The following KIAA1217 variants were observed in gnomAD, a reference collection of about 807,000 sequenced individuals.
KIAA1217 encodes sickle tail protein homolog.
Under a neutral mutation model 163.9 loss-of-function variants are expected in KIAA1217, and 88 were observed. That is an observed-to-expected ratio of 0.54 (90% CI 0.45 to 0.64). The LOEUF (loss-of-function observed/expected upper bound fraction) is 0.64. KIAA1217 is among the 30% of genes least tolerant of loss of function. The pLI, the probability that KIAA1217 is intolerant of heterozygous loss-of-function variation, is 0.00. For synonymous variants in KIAA1217, 903 were observed against 923.1 expected, an observed-to-expected ratio of 0.98 and a Z score of 0.39; for missense variants, 2,372 against 2,475.0, an observed-to-expected ratio of 0.96 and a Z score of 0.88.
intron 3 of KIAA1217, among the ~76,000 whole-genome samples, chr10:24,386,970 G>A (rs1169466836): frequency 6.6e-6 from 1 of 152,294 alleles, no homozygotes; most frequent in East Asian, 1.9e-4. Context: ...CTAAGACCTT[G>A]TAGTTATTGA....
At chr10:24,189,992 G>C (rs1443663199) in intron 2 of KIAA1217, among the ~76,000 whole-genome samples, 1 of 150,234 alleles carries the variant, frequency 6.7e-6, no homozygotes, top group Non-Finnish European at 1.5e-5. Flanking sequence ...CTGTGCTCCA[G>C]CCTGGGTGAC....
At chr10:24,035,145 G>T (rs1271068026) in intron 2 of KIAA1217, among the ~76,000 whole-genome samples, 1 of 152,188 alleles carries the variant, frequency 6.6e-6, no homozygotes, top group Admixed American at 6.5e-5. Context: ...GTATCCGTGA[G>T]ATCTTGGGTG....
chr10:24,338,768 GT>G (rs111558574), intron 2 of KIAA1217, among the ~76,000 whole-genome samples: 1 of 151,244 alleles, frequency 6.6e-6, no homozygotes, highest in Non-Finnish European at 1.5e-5. Flanking sequence ...TCCTTTATTT[GT>G]TTTTTTTGTG....
intron 1 of KIAA1217, among the ~76,000 whole-genome samples, chr10:23,863,969 T>C (rs1255989158): frequency 6.6e-6 from 1 of 152,140 alleles, no homozygotes; most frequent in Admixed American, 6.6e-5. Context: ...AAAAATGAAA[T>C]GACAGTAGGA....
intron 1 of KIAA1217, among the ~76,000 whole-genome samples, chr10:23,901,146 G>A (rs1333365758): frequency 6.6e-6 from 1 of 152,004 alleles, no homozygotes; most frequent in Non-Finnish European, 1.5e-5. Context: ...GTTTCCTTAA[G>A]TGAATATTTG....
intron 3 of KIAA1217, among the ~76,000 whole-genome samples, chr10:24,410,879 A>G (rs963688842): frequency 6.6e-6 from 1 of 152,110 alleles, no homozygotes; most frequent in Non-Finnish European, 1.5e-5. Flanking sequence ...TTTCCCCCCA[A>G]AGTACCTAAA....
chr10:23,928,206 G>A (rs1284661452), intron 1 of KIAA1217, among the ~76,000 whole-genome samples: 1 of 152,150 alleles, frequency 6.6e-6, no homozygotes, highest in Non-Finnish European at 1.5e-5. Context: ...GCAGCACAGG[G>A]TCCCCTGAGA....
intron 1 of KIAA1217, among the ~76,000 whole-genome samples, chr10:23,835,987 T>C (rs1838429482): frequency 6.6e-6 from 1 of 152,028 alleles, no homozygotes; most frequent in African/African-American, 2.4e-5. Flanking sequence ...TGTGACTGAG[T>C]TGGATATAGG....
At chr10:24,338,959 A>T in intron 2 of KIAA1217, among the ~76,000 whole-genome samples, 1 of 152,246 alleles carries the variant, frequency 6.6e-6, no homozygotes, top group Non-Finnish European at 1.5e-5. Context: ...TTCGAGTCAA[A>T]GTGACTTACA....
intron 2 of KIAA1217, among the ~76,000 whole-genome samples, chr10:24,096,397 C>T (rs554425906): frequency 6.6e-6 from 1 of 152,194 alleles, no homozygotes; most frequent in Non-Finnish European, 1.5e-5. Context: ...TGCACTCCTC[C>T]TCCTATTTAG....
intron 2 of KIAA1217, among the ~76,000 whole-genome samples, chr10:24,138,970 T>C (rs557239576): frequency 2.6e-5 from 4 of 152,312 alleles, no homozygotes; most frequent in East Asian, 1.9e-4. Flanking sequence ...AAGAAATATA[T>C]GTATGTCCTT....
At chr10:24,157,118 C>T (rs2064912782) in intron 2 of KIAA1217, among the ~76,000 whole-genome samples, 1 of 152,214 alleles carries the variant, frequency 6.6e-6, no homozygotes, top group African/African-American at 2.4e-5. Flanking sequence ...GTCCATTTCA[C>T]ATTCTTAGCG....
At chr10:23,980,732 C>T (rs993578385) in intron 1 of KIAA1217, among the ~76,000 whole-genome samples, 28 of 152,138 alleles carry the variant, frequency 1.8e-4, no homozygotes, top group African/African-American at 5.8e-4. Context: ...ATTCTACAGG[C>T]GAATCAGCTC....
chr10:23,861,969 C>T (rs1839973850), intron 1 of KIAA1217, among the ~76,000 whole-genome samples: 1 of 152,184 alleles, frequency 6.6e-6, no homozygotes, highest in African/African-American at 2.4e-5. Flanking sequence ...TTTGTTATGA[C>T]AGCAATAGAA....
rs1413017260 is a variant in KIAA1217, at chr10:24,389,922, C to T, written c.553+8855C>T. Among the ~76,000 whole-genome samples, 5 of 150,758 alleles carry T rather than the reference C, an allele frequency of 3.3e-5. No homozygotes were observed. The South Asian group carries it at 6.3e-4, about 19-fold the overall frequency. ...CTGGGGCAGGCATCCATCTCTAGTA[C>T]TGAAGTGAAGGTGAGGCCCAACTCT... On this transcript the variant is annotated intron_variant, in intron 3 of 20. Transcript: ENST00000376454.
chr10:23,867,046 G>A lies in KIAA1217; in HGVS notation c.-320-140179G>A, dbSNP rs571203747. 1.3e-3 allele frequency among the ~76,000 whole-genome samples: 177 copies of A among 131,910 alleles called. 1 individual carries two copies. Among genetic ancestry groups the A allele is most frequent in the Non-Finnish European group, 2.3e-3 (149 of 65,672 alleles). 86.5% of individuals were successfully genotyped at this position (131,910 alleles called of 152,430 possible). ...CCCAGAGTGTGATGTTCCCCTTCCT[G>A]TGTCCATGTGTTCTCATTGTTCAAT... On this transcript the variant is annotated intron_variant, in intron 1 of 18. Coordinates refer to the KIAA1217 transcript ENST00000376462.
intron 1 of KIAA1217, among the ~76,000 whole-genome samples, chr10:23,766,766 T>C (rs1321932750): frequency 6.6e-6 from 1 of 152,056 alleles, no homozygotes; most frequent in Non-Finnish European, 1.5e-5. Context: ...TTTTTGTATT[T>C]TTAGCGGAGA....
intron 2 of KIAA1217, among the ~76,000 whole-genome samples, chr10:24,370,841 G>T (rs2051538972): frequency 6.6e-6 from 1 of 152,186 alleles, no homozygotes. Context: ...GCCTCTCAAA[G>T]TGCTGCAATT....
chr10:23,854,004 T>C (rs906766780), intron 1 of KIAA1217, among the ~76,000 whole-genome samples: 36 of 152,190 alleles, frequency 2.4e-4, no homozygotes, highest in Non-Finnish European at 4.6e-4. Flanking sequence ...TTTTTGTGTC[T>C]CTATTTCCTT....
Sources: allele counts gnomAD v4.1 joint callset (sites outside exome capture counted in the v4.1 genomes callset), GRCh38; gene constraint gnomAD v4.1.1; transcripts MANE v1.5; gene names NCBI Gene and HGNC (gene_info 2026-07-23, HGNC 2026-07-21).